GALNS: variants seen among roughly 807,000 people sequenced by gnomAD.
GALNS encodes N-acetylgalactosamine-6-sulfatase.
Under a neutral mutation model 65.9 loss-of-function variants are expected in GALNS, and 65 were observed. That is an observed-to-expected ratio of 0.99 (90% CI 0.81 to 1.21). GALNS has a LOEUF of 1.21. Among genes scored for constraint, GALNS ranks in the 50% most tolerant of loss-of-function variants. The probability of loss-of-function intolerance (pLI) is 0.00; values close to 1 mark genes in which losing one functional copy is unlikely to be tolerated. For missense variants in GALNS, 776 were observed against 700.7 expected (o/e 1.11, Z -1.21); for synonymous variants, 346 against 288.9 (o/e 1.20, Z -2.00).
intron 1 of GALNS, among the ~76,000 whole-genome samples, chr16:88,849,421 A>G (rs1293630741): frequency 6.6e-6 from 1 of 152,192 alleles, no homozygotes; most frequent in African/African-American, 2.4e-5. Context: ...AGTAGCTGGA[A>G]TTATAGGCAC....
In GALNS at chr16:88,814,495, C is replaced by A; in HGVS notation, c.1513G>T (p.Gly505Trp). 1 of 1,561,724 alleles carries A rather than the reference C, an allele frequency of 6.4e-7. No individual in the cohort carries two copies. Among genetic ancestry groups the A allele is most frequent in the East Asian group, 2.4e-5 (1 of 42,368 alleles). The change falls in exon 14 of 14, where the codon GGG becomes TGG. Residue 505 changes from glycine to tryptophan, a missense_variant. Physicochemically the swap from Gly to Trp is radical, Grantham distance 184. Coordinates refer to ENST00000268695, the MANE Select transcript of GALNS (RefSeq NM_000512.5). ...GATTCTGGAGGTGTCAGACACTTCCCTAACTTTTCACAGCCCGGAGGTGCC... is the reference window on the plus strand; with the variant it reads ...GATTCTGGAGGTGTCAGACACTTCCATAACTTTTCACAGCCCGGAGGTGCC... ...NWAPPGCEKL[G>W]KCLTPPESIP...
At chr16:88,822,792 C>A in intron 11 of GALNS, 82 bp from the exon 12 acceptor site, 1 of 1,567,442 alleles carries the variant, frequency 6.4e-7, no homozygotes, top group Non-Finnish European at 8.7e-7. Flanking sequence ...GTCCTGGAGC[C>A]CCTGACTGCG....
chr16:88,853,304 C>T (rs993474275), intron 1 of GALNS, among the ~76,000 whole-genome samples: 6 of 150,618 alleles, frequency 4.0e-5, no homozygotes, highest in South Asian at 4.2e-4. Flanking sequence ...TGATTGTCCA[C>T]GTTCAGCGAG....
At chr16:88,855,272 G>C (rs1597606425) in intron 1 of GALNS, 2 of 700,112 alleles carry the variant, frequency 2.9e-6, no homozygotes, top group African/African-American at 3.5e-5. Context: ...ACTTAACAGG[G>C]AGGCTTCACC....
At position 88,837,668 on chromosome 16, in the gene GALNS, C is replaced by T. The variant is rs747472944; in HGVS notation, c.520G>A (p.Ala174Thr). Residue 174 changes from alanine (A) to threonine (T), a missense_variant, in exon 5 of 14, where the codon GCC becomes ACC. Physicochemically the swap from Ala to Thr is moderately conservative, Grantham distance 58. Coordinates refer to ENST00000268695, the MANE Select transcript of GALNS (RefSeq NM_000512.5). The part of the protein sequence containing the change: ...NCHFGPYDNK[A>T]RPNIPVYRDW... ...CTGTACACAGGGATGTTGGGCCTGG[C>T]CTTGTTGTCATAAGGTCCAAAGTGG... The T allele has an allele frequency of 3.7e-6, 6 of 1,613,848 alleles. No homozygotes were observed. The African/African-American group carries it at 8.0e-5, about 22-fold the overall frequency.
At chr16:88,827,956 G>A (rs1308110130) in intron 9 of GALNS, among the ~76,000 whole-genome samples, 1 of 152,248 alleles carries the variant, frequency 6.6e-6, no homozygotes, top group Non-Finnish European at 1.5e-5. Flanking sequence ...CTCCTCGCTA[G>A]GGCAGACGGC....
At chr16:88,823,288 C>G (rs1910443143) in intron 11 of GALNS, among the ~76,000 whole-genome samples, 1 of 152,208 alleles carries the variant, frequency 6.6e-6, no homozygotes, top group Non-Finnish European at 1.5e-5. Context: ...ACACAGAAAA[C>G]AAAAACAGAC....
intron 12 of GALNS, 103 bp from the exon 13 acceptor site, chr16:88,818,227 AC>A: frequency 1.1e-6 from 1 of 924,556 alleles, no homozygotes. Context: ...CGGGCTGAGA[AC>A]CACAGTGAGC....
intron 10 of GALNS, among the ~76,000 whole-genome samples, chr16:88,825,877 C>T (rs748932972): frequency 5.3e-5 from 8 of 152,150 alleles, no homozygotes; most frequent in Non-Finnish European, 8.8e-5. Context: ...TAGCCGGAGG[C>T]GGCAGCTGCC....
chr16:88,849,938 G>C (rs961498145), intron 1 of GALNS, among the ~76,000 whole-genome samples: 1 of 152,238 alleles, frequency 6.6e-6, no homozygotes, highest in African/African-American at 2.4e-5. Flanking sequence ...ATGCGCCCAT[G>C]TCAGGGTGAG....
At chr16:88,822,811 G>A in intron 11 of GALNS, 101 bp from the exon 12 acceptor site, 1 of 1,522,572 alleles carries the variant, frequency 6.6e-7, no homozygotes, top group Non-Finnish European at 8.8e-7. Flanking sequence ...CGGCCGTGAG[G>A]GGCCTTGTCT....
Position 88,835,367 on chromosome 16 carries a change from C to G in GALNS, c.759-15G>C, listed in dbSNP as rs759300583. The G allele has an allele frequency of 6.8e-6, 11 of 1,613,330 alleles. No individual in the cohort carries two copies. In the South Asian group the frequency reaches 1.1e-4, roughly 16 times the overall value. ...CGTCTCCATACCTGCAGGATGGTGA[C>G]AAAAGGCATCTCCATACCTGGAGGA... On this transcript the variant is annotated splice_polypyrimidine_tract_variant and intron_variant, in intron 7 of 13. Coordinates refer to ENST00000268695, the MANE Select transcript of GALNS (RefSeq NM_000512.5).
chr16:88,820,191 C>G (rs990707450), intron 12 of GALNS, among the ~76,000 whole-genome samples: 1 of 149,192 alleles, frequency 6.7e-6, no homozygotes, highest in East Asian at 2.0e-4. Flanking sequence ...TGCAGTGGTG[C>G]GATCTCAGCT....
intron 12 of GALNS, among the ~76,000 whole-genome samples, chr16:88,822,266 T>TCC (rs1417564066): frequency 6.6e-6 from 1 of 152,128 alleles, no homozygotes; most frequent in Non-Finnish European, 1.5e-5. Flanking sequence ...TCCTTGTACC[T>TCC]CCTACTTGCC....
At chr16:88,820,012 C>T (rs564031001) in intron 12 of GALNS, among the ~76,000 whole-genome samples, 9 of 150,922 alleles carry the variant, frequency 6.0e-5, no homozygotes, top group African/African-American at 1.7e-4. Context: ...ATTTTCTGTA[C>T]CAGTAAGGTC....
At chr16:88,834,643 C>CCG (rs1491526448) in intron 8 of GALNS, among the ~76,000 whole-genome samples, 1 of 82,250 alleles carries the variant, frequency 1.2e-5, no homozygotes, top group Non-Finnish European at 2.9e-5. Flanking sequence ...GGCCCCCCCC[C>CCG]GCGTGGTCTG....
intron 1 of GALNS, among the ~76,000 whole-genome samples, chr16:88,846,120 T>C (rs1967231005): frequency 6.6e-6 from 1 of 152,198 alleles, no homozygotes; most frequent in Non-Finnish European, 1.5e-5. Context: ...GGAACAGAAA[T>C]TTGGTTAAAT....
At chr16:88,839,175 C>T (rs986181760) in intron 4 of GALNS, among the ~76,000 whole-genome samples, 24 of 149,864 alleles carry the variant, frequency 1.6e-4, no homozygotes, top group Admixed American at 4.0e-4. Context: ...GGTCACCGCC[C>T]GGCCACAGGG....
Position 88,827,934 on chromosome 16 carries a change from G to A in GALNS, c.1003-1096C>T, listed in dbSNP as rs1035819253. Among the ~76,000 whole-genome samples, 5 of 152,332 alleles carry A rather than the reference G, an allele frequency of 3.3e-5. No individual in the cohort carries two copies. The Middle Eastern group carries it at 0.01, about 311-fold the overall frequency. On this transcript the variant is annotated intron_variant, in intron 9 of 13. Coordinates refer to ENST00000268695, the MANE Select transcript of GALNS (RefSeq NM_000512.5). ...CCCACGGTCCAGGGGCACCCTCGCC[G>A]CCTGCAGCCAGCTCCTCGCTAGGGC...
Sources: allele counts gnomAD v4.1 joint callset (sites outside exome capture counted in the v4.1 genomes callset), GRCh38; gene constraint gnomAD v4.1.1; transcripts MANE v1.5; gene names NCBI Gene and HGNC (gene_info 2026-07-23, HGNC 2026-07-21).